MYRFL: variants seen among roughly 807,000 people sequenced by gnomAD.
The protein encoded by MYRFL is myelin regulatory factor like.
In MYRFL, 88 loss-of-function variants were observed where a neutral mutation model predicts 109.4. The ratio of observed to expected loss-of-function variants is 0.80; its 90% CI spans 0.68 to 0.96. The LOEUF (loss-of-function observed/expected upper bound fraction) is 0.96. Ranked by LOEUF, MYRFL falls within the 40% of genes least tolerant of loss-of-function variation. The probability of loss-of-function intolerance (pLI) is 0.00; values close to 1 mark genes in which losing one functional copy is unlikely to be tolerated. For missense variants in MYRFL, 957 were observed against 954.9 expected (o/e 1.00, Z -0.03); for synonymous variants, 324 against 320.9 (o/e 1.01, Z -0.10).
intron 13 of MYRFL, among the ~76,000 whole-genome samples, chr12:69,924,583 T>G (rs1402104067): frequency 6.6e-6 from 1 of 152,172 alleles, no homozygotes; most frequent in Admixed American, 6.6e-5. Flanking sequence ...TGGAATAGAC[T>G]CCTAGAAGTG....
At chr12:69,936,088 T>G (rs1042778062) in intron 16 of MYRFL, 25 bp from the exon 17 acceptor site, 114 of 1,350,562 alleles carry the variant, frequency 8.4e-5, no homozygotes, top group African/African-American at 3.0e-4. Flanking sequence ...GTTTTTTTTT[T>G]TTTTTTTTTT....
intron 1 of MYRFL, among the ~76,000 whole-genome samples, chr12:69,831,278 A>G (rs951812966): frequency 6.6e-6 from 1 of 152,096 alleles, no homozygotes; most frequent in Non-Finnish European, 1.5e-5. Flanking sequence ...TCTTTTACAT[A>G]TTGTCTGTGG....
rs1408451233 is a variant in MYRFL, at chr12:69,879,008, T to C, written c.138-20T>C. On this transcript the variant is annotated intron_variant, in intron 2 of 24. Transcript: ENST00000552032. ...GGACTAGAGTGAAACAAAAACGCAA[T>C]GTATGTCTCTAATCTTCAGGCAACG... 1.4e-6 allele frequency: 1 copy of C among 702,700 alleles called. No individual in the cohort carries two copies. The highest frequency in any genetic ancestry group is 2.6e-6 in the Non-Finnish European group (1 of 384,832). The allele number at this position is 702,700 out of a possible 1,614,324, so 43.5% of individuals were successfully genotyped here. A position where few individuals can be genotyped will look rare whatever the true frequency, so the allele number is the denominator to read the frequency against.
intron 19 of MYRFL, among the ~76,000 whole-genome samples, chr12:69,945,725 C>T (rs963654497): frequency 2.0e-5 from 3 of 152,060 alleles, no homozygotes; most frequent in East Asian, 1.9e-4. Context: ...CGGTGGCTCA[C>T]GCCTGTAATC....
In MYRFL at chr12:69,924,062, A is replaced by G. The variant is rs573767832; in HGVS notation, c.1603-2509A>G. The stretch of plus-strand genomic sequence containing the variant: ...AAATTAGCCGGGCGTGGTGGTGGGC[A>G]CCTGTAGTCCCAGCTACTCAGGAGG... On this transcript the variant is annotated intron_variant, in intron 13 of 24. Transcript: ENST00000552032. Among the ~76,000 whole-genome samples, 251 of 151,906 alleles carry G rather than the reference A, an allele frequency of 1.7e-3. 2 individuals are homozygous for G. Among genetic ancestry groups the G allele is most frequent in the Middle Eastern group, 0.01 (3 of 292 alleles).
chr12:69,883,182 C>T (rs1219320361), intron 5 of MYRFL, among the ~76,000 whole-genome samples: 2 of 152,218 alleles, frequency 1.3e-5, no homozygotes, highest in Non-Finnish European at 2.9e-5. Flanking sequence ...TTCCACTTAA[C>T]AGCTGTGACA....
chr12:69,867,716 C>A (rs1885091494), intron 2 of MYRFL, among the ~76,000 whole-genome samples: 1 of 152,144 alleles, frequency 6.6e-6, no homozygotes, highest in Non-Finnish European at 1.5e-5. Context: ...CTTGGTTCTG[C>A]CATCACTATA....
At chr12:69,862,965 G>T (rs1884785515) in intron 2 of MYRFL, among the ~76,000 whole-genome samples, 2 of 152,062 alleles carry the variant, frequency 1.3e-5, no homozygotes, top group South Asian at 4.1e-4. Context: ...ATGAAGGGTT[G>T]TTGAATTTTG....
At chr12:69,846,338 C>A (rs904638387) in intron 1 of MYRFL, among the ~76,000 whole-genome samples, 2 of 149,774 alleles carry the variant, frequency 1.3e-5, no homozygotes, top group Non-Finnish European at 3.0e-5. Context: ...ATCCCTCCCC[C>A]CTCACCCCAC....
chr12:69,896,820 G>A (rs1184170047), intron 9 of MYRFL, among the ~76,000 whole-genome samples: 1 of 152,238 alleles, frequency 6.6e-6, no homozygotes. Flanking sequence ...GCAGCGTAGA[G>A]AGGCCTGTGC....
rs1955481425 is a variant in MYRFL, at chr12:69,936,686, CT to C, written c.2224+56del. On this transcript the variant is annotated intron_variant, in intron 19 of 24. Coordinates refer to ENST00000552032, the MANE Select transcript of MYRFL (RefSeq NM_182530.3). ...GAGCTTTGAACTTGAGGTTGTTTTTCTTGTCACAATTTACTTAGATGGTCAT... is the reference window on the plus strand; with the variant it reads ...GAGCTTTGAACTTGAGGTTGTTTTTCTGTCACAATTTACTTAGATGGTCAT... 7 of 1,406,980 alleles carry C rather than the reference CT, an allele frequency of 5.0e-6. No individual in the cohort carries two copies. In the South Asian group the frequency reaches 1.1e-4, roughly 21 times the overall value. 87.2% of individuals were successfully genotyped at this position (1,406,980 alleles called of 1,614,324 possible).
chr12:69,875,823 C>G (rs939403483), intron 2 of MYRFL, among the ~76,000 whole-genome samples: 1 of 152,194 alleles, frequency 6.6e-6, no homozygotes, highest in African/African-American at 2.4e-5. Flanking sequence ...AAATCAGTCT[C>G]TAGTGCCAAA....
intron 13 of MYRFL, 57 bp from the exon 14 acceptor site, chr12:69,926,514 C>G: frequency 7.1e-7 from 1 of 1,412,180 alleles, no homozygotes; most frequent in Non-Finnish European, 9.3e-7. Context: ...CTGTAGACAG[C>G]TTTGTAGTGA....
At chr12:69,902,385 C>G (rs1210572824) in intron 10 of MYRFL, among the ~76,000 whole-genome samples, 1 of 152,178 alleles carries the variant, frequency 6.6e-6, no homozygotes, top group Non-Finnish European at 1.5e-5. Context: ...CAAAAACACT[C>G]AAACAATACC....
intron 2 of MYRFL, among the ~76,000 whole-genome samples, chr12:69,862,858 C>T (rs1050739806): frequency 2.0e-5 from 3 of 152,016 alleles, no homozygotes; most frequent in African/African-American, 7.3e-5. Flanking sequence ...CCAGTTTTTG[C>T]CCATTCAGTA....
In MYRFL at chr12:69,886,928, G is replaced by A. The variant is rs1449165144; in HGVS notation, c.665G>A (p.Ser222Asn). 1 of 1,535,916 alleles carries A rather than the reference G, an allele frequency of 6.5e-7. No homozygotes were observed. The highest frequency in any genetic ancestry group is 2.0e-5 in the Admixed American group (1 of 50,998). The change falls in exon 6 of 25, where the codon AGT (serine) becomes AAT (asparagine). Residue 222 changes from serine to asparagine, a missense_variant. Coordinates refer to ENST00000552032, the MANE Select transcript of MYRFL (RefSeq NM_182530.3). ...SPALKWQPCH[S>N]VPWHSLLNSH... ...GCTCTGAAGTGGCAACCATGCCATA[G>A]TGTTCCTTGGCACAGCTTATTAAAC...
At chr12:69,858,447 G>A (rs1037568158) in intron 2 of MYRFL, among the ~76,000 whole-genome samples, 4 of 152,006 alleles carry the variant, frequency 2.6e-5, no homozygotes. Flanking sequence ...TAAATGTTTG[G>A]TAGCATTAAT....
chr12:69,845,440 C>G (rs2136318172), intron 1 of MYRFL, among the ~76,000 whole-genome samples: 1 of 152,288 alleles, frequency 6.6e-6, no homozygotes, highest in African/African-American at 2.4e-5. Flanking sequence ...CATTTCTGAC[C>G]ATCTAAATCT....
At chr12:69,844,115 A>G (rs1005162606) in intron 1 of MYRFL, among the ~76,000 whole-genome samples, 1 of 152,184 alleles carries the variant, frequency 6.6e-6, no homozygotes, top group Non-Finnish European at 1.5e-5. Flanking sequence ...TTTATCTGAC[A>G]CTGTGGATTT....
Sources: gnomAD v4.1 joint callset for allele counts (sites outside exome capture counted in the v4.1 genomes callset) on GRCh38, gnomAD v4.1.1 for gene constraint, MANE v1.5 for transcripts, NCBI Gene and HGNC (gene_info 2026-07-23, HGNC 2026-07-21) for gene names.